Variants in C11orf65 observed in about 807,000 individuals in gnomAD.
C11orf65 encodes the protein chromosome 11 open reading frame 65, also known as protein MFI.
C11orf65 carries 38 observed loss-of-function variants against 35.3 expected under a neutral mutation model. The ratio of observed to expected loss-of-function variants is 1.08; its 90% CI spans 0.83 to 1.41. The LOEUF is 1.41. Among genes scored for constraint, C11orf65 ranks in the 40% most tolerant of loss-of-function variants. The pLI, the probability that C11orf65 is intolerant of heterozygous loss-of-function variation, is 0.00. For missense variants in C11orf65, 370 were observed against 367.1 expected, an observed-to-expected ratio of 1.01 and a Z score of -0.06; for synonymous variants, 105 against 114.4, an observed-to-expected ratio of 0.92 and a Z score of 0.53.
chr11:108,330,809 A>G (rs916985799), downstream of C11orf65, among the ~76,000 whole-genome samples: 1 of 152,220 alleles, frequency 6.6e-6, no homozygotes, highest in Non-Finnish European at 1.5e-5. Flanking sequence ...CCTGCTGCAG[A>G]AATATGGGAT....
intron 2 of C11orf65, among the ~76,000 whole-genome samples, chr11:108,375,553 A>T (rs938629118): frequency 1.3e-5 from 2 of 151,820 alleles, no homozygotes; most frequent in Non-Finnish European, 2.9e-5. Context: ...AAAGACCATC[A>T]AGACTAGGAA....
At chr11:108,455,885 G>A (rs186649861) in intron 2 of C11orf65, among the ~76,000 whole-genome samples, 2 of 151,784 alleles carry the variant, frequency 1.3e-5, no homozygotes, top group Admixed American at 6.6e-5. Context: ...CAGCTGTGGT[G>A]GTTCATGCCT....
chr11:108,429,524 C>A lies in C11orf65; in HGVS notation c.174+2222G>T, dbSNP rs903149492. ...AAGGGCTTCTATGAAGAATATATAA[C>A]CCTTGTGCATTATTGGTGAGAGTAC... On this transcript the variant is annotated intron_variant, in intron 3 of 8. Coordinates refer to ENST00000393084, the MANE Select transcript of C11orf65 (RefSeq NM_152587.5). Among the ~76,000 whole-genome samples, 8 of 152,122 alleles carry A rather than the reference C, an allele frequency of 5.3e-5. No individual in the cohort carries two copies. The East Asian group carries it at 1.5e-3, about 29-fold the overall frequency.
rs2092646201 is a variant in C11orf65, at chr11:108,410,992, AGC to A, written c.175-3845_175-3844del. Among the ~76,000 whole-genome samples, 3 of 152,104 alleles carry A rather than the reference AGC, an allele frequency of 2.0e-5. No individual in the cohort carries two copies. The South Asian group carries it at 6.2e-4, about 32-fold the overall frequency. On this transcript the variant is annotated intron_variant, in intron 3 of 8. Coordinates refer to ENST00000393084, the MANE Select transcript of C11orf65 (RefSeq NM_152587.5). ...CCAAACTGCTGGTATTACAGGCATG[AGC>A]CACCATGCCCGGCCCCCTTCCTTTT...
At chr11:108,317,180 C>T (rs935573027) in intron 6 of C11orf65, among the ~76,000 whole-genome samples, 10 of 151,744 alleles carry the variant, frequency 6.6e-5, no homozygotes, top group Non-Finnish European at 1.3e-4. Flanking sequence ...CTCAAGTGAT[C>T]CTCCTGCCTC....
downstream of C11orf65, chr11:108,330,253 A>C: frequency 6.2e-7 from 1 of 1,614,204 alleles, no homozygotes; most frequent in East Asian, 2.2e-5. Context: ...AGTTGGATGA[A>C]TTAGCCCTGC....
chr11:108,407,290 A>G (rs1485555894), intron 3 of C11orf65, 141 bp from the exon 4 acceptor site: 1 of 654,556 alleles, frequency 1.5e-6, no homozygotes, highest in African/African-American at 1.9e-5. Context: ...ACCTCAAATA[A>G]TCAATTTTAA....
At chr11:108,352,940 T>C (rs979815637) in intron 2 of C11orf65, among the ~76,000 whole-genome samples, 5 of 152,056 alleles carry the variant, frequency 3.3e-5, no homozygotes, top group Admixed American at 6.6e-5. Flanking sequence ...GGTGATAGGC[T>C]ATGGGAGGGA....
chr11:108,424,480 C>T (rs542220601), intron 3 of C11orf65, among the ~76,000 whole-genome samples: 3 of 152,146 alleles, frequency 2.0e-5, no homozygotes, highest in Non-Finnish European at 4.4e-5. Context: ...GGAAAACACT[C>T]TCCCAATACA....
At position 108,393,376 on chromosome 11, in the gene C11orf65, T is replaced by A. The variant is rs867192450; in HGVS notation, c.563A>T (p.Tyr188Phe). 1.9e-6 allele frequency: 3 copies of A among 1,612,928 alleles called. No individual in the cohort carries two copies. In the East Asian group the frequency reaches 6.7e-5, roughly 36 times the overall value. ...LRKIEWMRQM[Y>F]YSGSLEAKST... ...CTTAGCCTCCAGACTTCCTGAGTAG[T>A]ACCTAAATAGGCAAAAGGGAAAGAG... The change falls in exon 7 of 9, where the codon TAC becomes TTC. Residue 188 changes from tyrosine (Y) to phenylalanine (F), a missense_variant and splice_region_variant. By Grantham distance (22) the Tyr-to-Phe change is conservative. Transcript: ENST00000393084.
intron 2 of C11orf65, among the ~76,000 whole-genome samples, chr11:108,438,551 GA>G (rs56267971): frequency 2.8e-4 from 40 of 141,962 alleles, no homozygotes; most frequent in East Asian, 1.0e-3. Flanking sequence ...ATTTCGTCTG[GA>G]AAAAAAAAAA....
At position 108,325,292 on chromosome 11, in the gene C11orf65, C is replaced by CT. The variant is rs1565517900; in HGVS notation, c.641-16222dup. ...TTCATTTCTCTTGCTTACATGAACT[C>CT]TATGTCGTGGCATTCAGATCAGTCA... On this transcript the variant is annotated intron_variant, in intron 6 of 6. Transcript: ENST00000525729. 6.4e-6 allele frequency: 6 copies of CT among 935,108 alleles called. No homozygotes were observed. The East Asian group carries it at 1.3e-4, about 20-fold the overall frequency. The allele number at this position is 935,108 out of a possible 1,614,324, so 57.9% of individuals were successfully genotyped here.
At chr11:108,314,500 T>C (rs1187190570) in intron 6 of C11orf65, among the ~76,000 whole-genome samples, 1 of 152,098 alleles carries the variant, frequency 6.6e-6, no homozygotes, top group Non-Finnish European at 1.5e-5. Context: ...CGGTACTTAT[T>C]TCTTATCTAA....
intron 2 of C11orf65, chr11:108,355,271 A>G (rs1298511233): frequency 8.6e-6 from 2 of 233,612 alleles, no homozygotes; most frequent in African/African-American, 4.6e-5. Flanking sequence ...ATGGAGATCA[A>G]ATTGTCAGCA....
downstream of C11orf65, among the ~76,000 whole-genome samples, chr11:108,378,921 C>T (rs1486268832): frequency 1.3e-5 from 2 of 151,876 alleles, no homozygotes; most frequent in African/African-American, 4.9e-5. Context: ...ATCAAAACCA[C>T]TATGAGATAC....
At chr11:108,380,070 G>A (rs2091837363), downstream of C11orf65, among the ~76,000 whole-genome samples, 1 of 152,162 alleles carries the variant, frequency 6.6e-6, no homozygotes, top group African/African-American at 2.4e-5. Context: ...TTGCCCAAAT[G>A]CTTCTCTCTC....
At chr11:108,317,323 T>C (rs2136159361) in intron 6 of C11orf65, 2 of 1,575,744 alleles carry the variant, frequency 1.3e-6, no homozygotes, top group Non-Finnish European at 1.7e-6. Context: ...TCTGGTTTTC[T>C]GTTGATATCT....
intron 6 of C11orf65, among the ~76,000 whole-genome samples, chr11:108,322,145 T>G (rs1451868603): frequency 6.6e-6 from 1 of 152,056 alleles, no homozygotes; most frequent in Non-Finnish European, 1.5e-5. Context: ...TTTGTTTTGT[T>G]TTCTTTTTTT....
chr11:108,452,898 G>A lies in C11orf65; in HGVS notation c.81+8581C>T, dbSNP rs974557534. ...CATCATTCTGAGCAAACTATCACAA[G>A]GACAGAAAACCAAACACCGCATGTG... On this transcript the variant is annotated intron_variant, in intron 2 of 8. Coordinates refer to ENST00000393084, the MANE Select transcript of C11orf65 (RefSeq NM_152587.5). Among the ~76,000 whole-genome samples, 3 of 150,670 alleles carry A rather than the reference G, an allele frequency of 2.0e-5. No individual in the cohort carries two copies. The Admixed American group carries it at 2.0e-4, about 10-fold the overall frequency.
Sources: gnomAD v4.1 joint callset for allele counts (sites outside exome capture counted in the v4.1 genomes callset) on GRCh38, gnomAD v4.1.1 for gene constraint, MANE v1.5 for transcripts, NCBI Gene and HGNC (gene_info 2026-07-23, HGNC 2026-07-21) for gene names.